LMNTD1: variants seen among roughly 807,000 people sequenced by gnomAD.
The protein encoded by LMNTD1 is lamin tail domain-containing protein 1.
LMNTD1 carries 35 observed loss-of-function variants against 50.9 expected under a neutral mutation model. That is an observed-to-expected ratio of 0.69 (90% CI 0.53 to 0.91). The LOEUF (loss-of-function observed/expected upper bound fraction) is 0.91, where lower values mean the gene tolerates loss of function less well. LMNTD1 is among the 40% of genes least tolerant of loss of function. The probability of loss-of-function intolerance (pLI) is 0.00; values close to 1 mark genes in which losing one functional copy is unlikely to be tolerated. For missense variants in LMNTD1, 470 were observed against 475.5 expected, an observed-to-expected ratio of 0.99 and a Z score of 0.11; for synonymous variants, 153 against 161.9, an observed-to-expected ratio of 0.94 and a Z score of 0.42.
intron 6 of LMNTD1, among the ~76,000 whole-genome samples, chr12:25,522,768 C>A (rs1678548): frequency 0.7 from 106,465 of 151,890 alleles, 39,120 homozygotes; most frequent in East Asian, 0.85. Context: ...TTAGAGGCTG[C>A]AAACCTGTCC....
intron 2 of LMNTD1, among the ~76,000 whole-genome samples, chr12:25,552,581 G>GAAAA (rs55848800): frequency 0.022 from 1,302 of 58,132 alleles, 85 homozygotes; most frequent in African/African-American, 0.066. Context: ...CACTCTGTCT[G>GAAAA]AAAAAAAAAA....
chr12:25,540,062 C>T, intron 4 of LMNTD1, among the ~76,000 whole-genome samples: 1 of 123,242 alleles, frequency 8.1e-6, no homozygotes, highest in Non-Finnish European at 1.7e-5. Context: ...ATAACAGGAT[C>T]TGAAATTGTG....
chr12:25,567,952 G>A lies in LMNTD1; in HGVS notation c.59-21398C>T, dbSNP rs545342492. Reference sequence around the variant, plus strand: ...TGTTTCTATAAAGATACCTGAAAACGTAGAAGCAACTGTGGAACTGGGTAA... The same window carrying A: ...TGTTTCTATAAAGATACCTGAAAACATAGAAGCAACTGTGGAACTGGGTAA... On this transcript the variant is annotated intron_variant, in intron 1 of 7. Transcript: ENST00000445693. 3.9e-5 allele frequency among the ~76,000 whole-genome samples: 6 copies of A among 152,258 alleles called. No homozygotes were observed. In the South Asian group the frequency reaches 6.2e-4, roughly 16 times the overall value.
chr12:25,508,829 G>A (rs1013917133), intron 8 of LMNTD1, among the ~76,000 whole-genome samples: 5 of 152,030 alleles, frequency 3.3e-5, no homozygotes, highest in East Asian at 1.9e-4. Context: ...GTATGATATC[G>A]TTTGCTTTAG....
chr12:25,609,949 G>A (rs761227053), intron 1 of LMNTD1, among the ~76,000 whole-genome samples: 18 of 152,220 alleles, frequency 1.2e-4, no homozygotes, highest in Admixed American at 7.2e-4. Context: ...AGCCCCCAGA[G>A]GTGGAGTTTA....
chr12:25,601,055 C>A (rs1342318733), intron 1 of LMNTD1, among the ~76,000 whole-genome samples: 3 of 151,936 alleles, frequency 2.0e-5, no homozygotes, highest in Non-Finnish European at 4.4e-5. Context: ...ACCTAAGTAT[C>A]CACCAACAGA....
chr12:25,562,459 T>C (rs906786676), intron 1 of LMNTD1, among the ~76,000 whole-genome samples: 19 of 152,362 alleles, frequency 1.2e-4, no homozygotes, highest in Admixed American at 1.2e-3. Flanking sequence ...TGTTGAATAT[T>C]GGCCCCCACT....
At chr12:25,479,751 T>C (rs779813480) in intron 9 of LMNTD1, among the ~76,000 whole-genome samples, 2 of 152,240 alleles carry the variant, frequency 1.3e-5, no homozygotes, top group Non-Finnish European at 2.9e-5. Flanking sequence ...AAGTGTCTAT[T>C]CCAGTGAAGA....
intron 4 of LMNTD1, among the ~76,000 whole-genome samples, chr12:25,537,682 G>A (rs1175549265): frequency 6.6e-6 from 1 of 152,074 alleles, no homozygotes; most frequent in Non-Finnish European, 1.5e-5. Context: ...TCCTCCAAAG[G>A]AACGCAGCTC....
intron 6 of LMNTD1, among the ~76,000 whole-genome samples, chr12:25,525,288 C>T (rs946223170): frequency 6.6e-6 from 1 of 151,888 alleles, no homozygotes; most frequent in Non-Finnish European, 1.5e-5. Flanking sequence ...ATTGCTAATG[C>T]CCTTAATTTT....
intron 9 of LMNTD1, among the ~76,000 whole-genome samples, chr12:25,486,442 G>A (rs1299153637): frequency 2.4e-4 from 35 of 148,798 alleles, no homozygotes; most frequent in South Asian, 1.5e-3. Flanking sequence ...CAATCATGTC[G>A]TCTGCAAACA....
At chr12:25,588,945 A>G (rs1945619149) in intron 1 of LMNTD1, among the ~76,000 whole-genome samples, 1 of 152,218 alleles carries the variant, frequency 6.6e-6, no homozygotes, top group African/African-American at 2.4e-5. Flanking sequence ...ACTATTTAAT[A>G]CTCATAAAAT....
Position 25,549,340 on chromosome 12 carries a change from A to C in LMNTD1, c.296T>G (p.Val99Gly). ...ATTTTGCTTACCCAAGCTGTTTTCC[A>C]CTCTGGAACAGCTACCTACAGTAGC... ...SKATVGSCSR[V>G]ENSLDASPFS... The change falls in exon 3 of 10, where the codon GTG becomes GGG. Residue 99 changes from valine (V) to glycine (G), a missense_variant. Physicochemically the swap from Val to Gly is moderately radical, Grantham distance 109 (BLOSUM62 -3). Transcript: ENST00000458174. 1 of 1,605,234 alleles carries C rather than the reference A, an allele frequency of 6.2e-7. No homozygotes were observed. Among genetic ancestry groups the C allele is most frequent in the East Asian group, 2.2e-5 (1 of 44,588 alleles).
chr12:25,604,405 T>A (rs1331329888), intron 1 of LMNTD1, among the ~76,000 whole-genome samples: 1 of 152,154 alleles, frequency 6.6e-6, no homozygotes, highest in African/African-American at 2.4e-5. Flanking sequence ...CGTGCAGGTT[T>A]GTTACATATG....
In LMNTD1 at chr12:25,527,640, CTATATATATATATATATATATATATATA is replaced by C. The variant is rs61347000; in HGVS notation, c.492-713_492-686del. On this transcript the variant is annotated intron_variant, in intron 4 of 9. Coordinates refer to ENST00000458174, the MANE Select transcript of LMNTD1 (RefSeq NM_001145728.2). ...CTTATATGCCAGGCACTTAATAACA[CTATATATATATATATATATATATATATA>C]TATATATATATATACACACACACAC... 4.9e-4 allele frequency among the ~76,000 whole-genome samples: 30 copies of C among 61,726 alleles called. 1 individual carries two copies. Among genetic ancestry groups the C allele is most frequent in the Middle Eastern group, 8.8e-3 (1 of 114 alleles). The allele number at this position is 61,726 out of a possible 152,430, so 40.5% of individuals were successfully genotyped here. A position where few individuals can be genotyped will look rare whatever the true frequency, so the allele number is the denominator to read the frequency against.
chr12:25,550,979 C>T (rs1038114113), intron 2 of LMNTD1, among the ~76,000 whole-genome samples: 3 of 152,160 alleles, frequency 2.0e-5, no homozygotes, highest in Non-Finnish European at 2.9e-5. Flanking sequence ...GTCAGAAAAG[C>T]TCTAACCTAT....
intron 4 of LMNTD1, among the ~76,000 whole-genome samples, chr12:25,539,813 T>C (rs1350638820): frequency 2.9e-5 from 4 of 136,300 alleles, no homozygotes; most frequent in Admixed American, 1.5e-4. Context: ...ATCAACAAAA[T>C]TGATAGACCG....
At chr12:25,527,681 T>TATATATATATATACACACAC (rs1463259109) in intron 4 of LMNTD1, among the ~76,000 whole-genome samples, 1 of 32,350 alleles carries the variant, frequency 3.1e-5, no homozygotes, top group Non-Finnish European at 5.8e-5. Context: ...TATATATATA[T>TATATATATATATACACACAC]ACACACACAC....
At chr12:25,610,893 A>G (rs1360871316) in intron 1 of LMNTD1, among the ~76,000 whole-genome samples, 1 of 152,234 alleles carries the variant, frequency 6.6e-6, no homozygotes, top group Non-Finnish European at 1.5e-5. Context: ...TTGAGAGGAC[A>G]GCAGAGGCTC....
Sources: gnomAD v4.1 joint callset for allele counts (sites outside exome capture counted in the v4.1 genomes callset) on GRCh38, gnomAD v4.1.1 for gene constraint, MANE v1.5 for transcripts, NCBI Gene and HGNC (gene_info 2026-07-23, HGNC 2026-07-21) for gene names.